Variants in AATF observed in about 807,000 individuals in gnomAD.
AATF encodes apoptosis antagonizing transcription factor.
AATF carries 48 observed loss-of-function variants against 63.7 expected under a neutral mutation model. The observed-to-expected ratio is 0.75, with a 90% CI of 0.60 to 0.96. AATF has a LOEUF of 0.96. AATF is among the 40% of genes least tolerant of loss of function. The pLI is 0.00. For synonymous variants in AATF, 258 were observed against 247.7 expected (o/e 1.04, Z -0.39); for missense variants, 639 against 685.7 (o/e 0.93, Z 0.76).
chr17:36,988,752 A>G (rs752400114), intron 6 of AATF, 32 bp downstream of exon 6: 1 of 1,596,656 alleles, frequency 6.3e-7, no homozygotes, highest in Non-Finnish European at 8.5e-7. Flanking sequence ...TGTATGTGTA[A>G]GATAGGTTGT....
chr17:37,045,213 C>T (rs376602575), intron 11 of AATF, among the ~76,000 whole-genome samples: 2 of 152,242 alleles, frequency 1.3e-5, no homozygotes, highest in African/African-American at 2.4e-5. Flanking sequence ...ACACCCTATG[C>T]TTTACCACTG....
intron 11 of AATF, among the ~76,000 whole-genome samples, chr17:37,042,412 G>GT (rs751106316): frequency 2.9e-4 from 41 of 142,166 alleles, no homozygotes; most frequent in Non-Finnish European, 5.3e-4. Flanking sequence ...CTTTTTTTTT[G>GT]TTTTTTTCTT....
chr17:37,026,931 G>A (rs2071515049), intron 10 of AATF, among the ~76,000 whole-genome samples: 1 of 152,146 alleles, frequency 6.6e-6, no homozygotes, highest in Non-Finnish European at 1.5e-5. Context: ...GTGTATGCCA[G>A]CTGTCATCAC....
chr17:37,005,993 G>C (rs867556750), intron 8 of AATF, among the ~76,000 whole-genome samples: 6 of 152,064 alleles, frequency 3.9e-5, no homozygotes, highest in Non-Finnish European at 8.8e-5. Flanking sequence ...AAAGTAACCA[G>C]GCATGGTGGC....
chr17:37,038,508 A>G (rs1054952840), intron 11 of AATF, among the ~76,000 whole-genome samples: 2 of 152,188 alleles, frequency 1.3e-5, no homozygotes, highest in Non-Finnish European at 2.9e-5. Context: ...ATGCCAAAGA[A>G]AATAGGTGTT....
intron 4 of AATF, among the ~76,000 whole-genome samples, chr17:36,954,670 T>G (rs2070885428): frequency 6.6e-6 from 1 of 152,238 alleles, no homozygotes; most frequent in Non-Finnish European, 1.5e-5. Context: ...ATTGAGAGAC[T>G]ATTTGGTTCC....
intron 9 of AATF, among the ~76,000 whole-genome samples, chr17:37,020,273 T>C (rs910021420): frequency 3.3e-5 from 5 of 152,172 alleles, no homozygotes; most frequent in Admixed American, 6.5e-5. Flanking sequence ...GAATATTTGA[T>C]AATAAAGAAT....
At chr17:37,028,698 A>T (rs1164582660) in intron 10 of AATF, among the ~76,000 whole-genome samples, 1 of 152,104 alleles carries the variant, frequency 6.6e-6, no homozygotes, top group Non-Finnish European at 1.5e-5. Context: ...AGGTGAGAGG[A>T]TGGCCTGAAC....
intron 2 of AATF, among the ~76,000 whole-genome samples, chr17:36,952,503 T>TA (rs1362280314): frequency 6.6e-6 from 1 of 152,270 alleles, no homozygotes; most frequent in Non-Finnish European, 1.5e-5. Context: ...GTTGAAATCT[T>TA]ACTGTTCTTC....
chr17:37,023,043 G>A (rs73985339), intron 10 of AATF, among the ~76,000 whole-genome samples: 1,891 of 152,150 alleles, frequency 0.012, 40 homozygotes, highest in African/African-American at 0.043. Context: ...CTCCAATACT[G>A]TACTTTTAAA....
At chr17:37,024,952 C>G (rs1364347905) in intron 10 of AATF, among the ~76,000 whole-genome samples, 1 of 151,452 alleles carries the variant, frequency 6.6e-6, no homozygotes, top group Non-Finnish European at 1.5e-5. Flanking sequence ...GAGCGAGACC[C>G]TGTCTCAAAA....
intron 11 of AATF, among the ~76,000 whole-genome samples, chr17:37,039,118 A>G (rs984042869): frequency 6.6e-6 from 1 of 152,164 alleles, no homozygotes; most frequent in East Asian, 1.9e-4. Context: ...CCCCCTACCT[A>G]TATTTAATAG....
chr17:36,994,823 A>G (rs1435433876), intron 8 of AATF, among the ~76,000 whole-genome samples: 4 of 152,226 alleles, frequency 2.6e-5, no homozygotes, highest in South Asian at 2.1e-4. Context: ...AAGTTTTTAA[A>G]GAATCAGGGA....
chr17:36,974,008 G>A (rs746547646), intron 4 of AATF, among the ~76,000 whole-genome samples: 2 of 151,438 alleles, frequency 1.3e-5, no homozygotes, highest in Non-Finnish European at 2.9e-5. Context: ...GGTGGAGGTT[G>A]CAGTGAGCCA....
intron 5 of AATF, among the ~76,000 whole-genome samples, chr17:36,988,007 A>G (rs1389925941): frequency 3.3e-5 from 5 of 152,192 alleles, no homozygotes; most frequent in East Asian, 3.9e-4. Flanking sequence ...AGTTCTTTTT[A>G]TATTTGTTTT....
At chr17:37,011,557 A>T (rs1296308705) in intron 8 of AATF, among the ~76,000 whole-genome samples, 1 of 152,176 alleles carries the variant, frequency 6.6e-6, no homozygotes, top group African/African-American at 2.4e-5. Flanking sequence ...TTGAGAACAG[A>T]AGGAAGTTCT....
rs575995721 is a variant in AATF, at chr17:36,960,925, G to A, written c.832+7018G>A. ...GTATGTCATGCTTATTTCAAAGATC[G>A]GAAAATACATAGAAGCATAAAGAAG... On this transcript the variant is annotated intron_variant, in intron 4 of 11. Transcript: ENST00000619387. Among the ~76,000 whole-genome samples, 6 of 152,042 alleles carry A rather than the reference G, an allele frequency of 3.9e-5. No homozygotes were observed. The East Asian group carries it at 5.8e-4, about 15-fold the overall frequency.
rs1314452723 is a variant in AATF, at chr17:36,963,485, G to T, written c.832+9578G>T. 2.0e-5 allele frequency among the ~76,000 whole-genome samples: 3 copies of T among 152,284 alleles called. No homozygotes were observed. In the East Asian group the frequency reaches 5.8e-4, roughly 29 times the overall value. On this transcript the variant is annotated intron_variant, in intron 4 of 11. Transcript: ENST00000619387. ...TACAATATAAGGGATTTTCAAAGTGGTTTTGTCAAAACTTGATTTTTTGCT... is the reference window on the plus strand; with the variant it reads ...TACAATATAAGGGATTTTCAAAGTGTTTTTGTCAAAACTTGATTTTTTGCT...
At chr17:36,973,117 TTC>T (rs1173405973) in intron 4 of AATF, among the ~76,000 whole-genome samples, 2 of 135,928 alleles carry the variant, frequency 1.5e-5, no homozygotes, top group African/African-American at 7.0e-5. Context: ...TTTTCTTTTC[TTC>T]TTTCTTTCTT....
Sources: gnomAD v4.1 joint callset for allele counts (sites outside exome capture counted in the v4.1 genomes callset) on GRCh38, gnomAD v4.1.1 for gene constraint, MANE v1.5 for transcripts, NCBI Gene and HGNC (gene_info 2026-07-23, HGNC 2026-07-21) for gene names.